The following ELAPOR2 variants were observed in gnomAD, a reference collection of about 807,000 sequenced individuals.
ELAPOR2 encodes endosome-lysosome associated apoptosis and autophagy regulator family member 2.
In ELAPOR2, 89 loss-of-function variants were observed where a neutral mutation model predicts 120.7. That is an observed-to-expected ratio of 0.74 (90% CI 0.62 to 0.88). ELAPOR2 has a LOEUF of 0.88. Among genes scored for constraint, ELAPOR2 ranks in the 40% least tolerant of loss-of-function variants. The pLI, the probability that ELAPOR2 is intolerant of heterozygous loss-of-function variation, is 0.00. For synonymous variants in ELAPOR2, 444 were observed against 444.9 expected (o/e 1.00, Z 0.03); for missense variants, 1,134 against 1,251.6 (o/e 0.91, Z 1.42).
intron 7 of ELAPOR2, 92 bp from the exon 8 acceptor site, chr7:86,938,306 A>G (rs937149782): frequency 3.2e-6 from 3 of 939,810 alleles, no homozygotes; most frequent in Non-Finnish European, 4.9e-6. Context: ...GCAACTAAAA[A>G]GTACAAATAA....
chr7:86,988,285 G>A (rs1332662324), intron 1 of ELAPOR2, among the ~76,000 whole-genome samples: 2 of 152,122 alleles, frequency 1.3e-5, no homozygotes, highest in African/African-American at 4.8e-5. Flanking sequence ...AGCTGTATAT[G>A]TATACTTATG....
intron 1 of ELAPOR2, among the ~76,000 whole-genome samples, chr7:87,049,050 C>A (rs988044022): frequency 1.1e-4 from 17 of 152,198 alleles, no homozygotes; most frequent in African/African-American, 3.9e-4. Flanking sequence ...TTTACACATT[C>A]ATTCAACAAG....
chr7:86,885,498 T>C (rs1799645306), intron 21 of ELAPOR2, among the ~76,000 whole-genome samples: 1 of 152,142 alleles, frequency 6.6e-6, no homozygotes, highest in Admixed American at 6.6e-5. Flanking sequence ...TCAGTCTTAA[T>C]GCCTCCCTCC....
intron 1 of ELAPOR2, among the ~76,000 whole-genome samples, chr7:86,985,871 T>C (rs1792712225): frequency 6.8e-6 from 1 of 148,088 alleles, no homozygotes; most frequent in Non-Finnish European, 1.5e-5. Context: ...CCTGTGTCCA[T>C]GTATTCTCTC....
At chr7:86,930,413 A>C (rs904189422) in intron 8 of ELAPOR2, among the ~76,000 whole-genome samples, 11 of 151,960 alleles carry the variant, frequency 7.2e-5, no homozygotes, top group African/African-American at 2.7e-4. Context: ...ACTTGCTTAA[A>C]TCCTGTGCAC....
intron 2 of ELAPOR2, among the ~76,000 whole-genome samples, chr7:86,961,271 T>G (rs185144592): frequency 3.5e-4 from 53 of 152,316 alleles, no homozygotes; most frequent in African/African-American, 1.3e-3. Context: ...AGTGGTGTGT[T>G]GTATAGCTGA....
rs147886977 is a variant in ELAPOR2 at position 86,905,182 on chromosome 7, AAGAGAGAGAG to A, written c.2558+2478_2558+2487del. Among the ~76,000 whole-genome samples the A allele has an allele frequency of 1.7e-3, 241 of 143,446 alleles. 4 individuals carry two copies. Among genetic ancestry groups the A allele is most frequent in the African/African-American group, 6.0e-3 (231 of 38,684 alleles). 94.1% of individuals were successfully genotyped at this position (143,446 alleles called of 152,430 possible). On this transcript the variant is annotated intron_variant, in intron 18 of 21. Transcript: ENST00000450689. Reference sequence around the variant, plus strand: ...AAAGAGAGAAAGAAAGAAAGAGAGAAAGAGAGAGAGAGAGAGAGAGAGAAAGAGAGAGAGG... The same window carrying A: ...AAAGAGAGAAAGAAAGAAAGAGAGAAAGAGAGAGAGAGAAAGAGAGAGAGG...
intron 2 of ELAPOR2, 81 bp downstream of exon 2, chr7:86,964,823 C>T: frequency 6.9e-7 from 1 of 1,452,358 alleles, no homozygotes; most frequent in Non-Finnish European, 9.4e-7. Context: ...CTCCTACATT[C>T]ATTATAATTA....
intron 4 of ELAPOR2, among the ~76,000 whole-genome samples, chr7:86,943,763 CAGA>C (rs1303562889): frequency 6.6e-6 from 1 of 152,024 alleles, no homozygotes; most frequent in East Asian, 1.9e-4. Context: ...TGTTCACTCT[CAGA>C]AGGATTTTGC....
chr7:87,027,115 C>G (rs1794270050), intron 1 of ELAPOR2, among the ~76,000 whole-genome samples: 1 of 151,960 alleles, frequency 6.6e-6, no homozygotes, highest in East Asian at 1.9e-4. Context: ...CTTAATAAGA[C>G]CAGGGAGATG....
In ELAPOR2 at chr7:87,035,862, C is replaced by G. The variant is rs1794571160; in HGVS notation, c.189+23463G>C. Among the ~76,000 whole-genome samples, 3 of 152,300 alleles carry G rather than the reference C, an allele frequency of 2.0e-5. No homozygotes were observed. In the South Asian group the frequency reaches 6.2e-4, roughly 32 times the overall value. ...CAATTATGTTGGATTGCCCATTATT[C>G]TAGCCTTTTGAAATCATTTTGAATC... On this transcript the variant is annotated intron_variant, in intron 1 of 21. Transcript: ENST00000450689.
At chr7:86,905,330 A>C (rs868622348) in intron 18 of ELAPOR2, among the ~76,000 whole-genome samples, 49 of 151,830 alleles carry the variant, frequency 3.2e-4, no homozygotes, top group Admixed American at 6.6e-4. Context: ...CTAAAAAAAA[A>C]CCAAAACAAA....
rs1050517466 is a variant in ELAPOR2, at chr7:86,960,878, A to G, written c.310+4026T>C. Reference sequence around the variant, plus strand: ...TATGGGTTATACCAATAGATTTGAGAAAAAAAAAGTCTGTATTTGATTTTT... The same window carrying G: ...TATGGGTTATACCAATAGATTTGAGGAAAAAAAAGTCTGTATTTGATTTTT... On this transcript the variant is annotated intron_variant, in intron 2 of 21. Transcript: ENST00000450689. Among the ~76,000 whole-genome samples the G allele has an allele frequency of 1.7e-4, 25 of 147,664 alleles. 1 individual carries two copies. The highest frequency in any genetic ancestry group is 3.4e-3 in the Middle Eastern group (1 of 292).
At chr7:86,914,615 T>A (rs1281545352) in intron 13 of ELAPOR2, 108 bp downstream of exon 13, 1 of 870,792 alleles carries the variant, frequency 1.1e-6, no homozygotes. Context: ...CCATATTTTT[T>A]AAAAAGCAGT....
At chr7:86,971,701 G>A (rs891412437) in intron 1 of ELAPOR2, among the ~76,000 whole-genome samples, 2 of 152,164 alleles carry the variant, frequency 1.3e-5, no homozygotes, top group Non-Finnish European at 2.9e-5. Flanking sequence ...AATAGATGCA[G>A]GTGGCAACAA....
At chr7:86,916,163 C>T (rs1159136736) in intron 12 of ELAPOR2, among the ~76,000 whole-genome samples, 6 of 152,110 alleles carry the variant, frequency 3.9e-5, no homozygotes, top group African/African-American at 1.4e-4. Context: ...ATCATAAGAT[C>T]CCTACTCTCA....
intron 1 of ELAPOR2, among the ~76,000 whole-genome samples, chr7:86,982,498 A>G (rs1792541222): frequency 6.6e-6 from 1 of 152,200 alleles, no homozygotes; most frequent in Admixed American, 6.5e-5. Context: ...CTGTTCTGCA[A>G]TATTTGCTGT....
chr7:86,932,129 T>C (rs1179357515), intron 8 of ELAPOR2, among the ~76,000 whole-genome samples: 3 of 151,918 alleles, frequency 2.0e-5, no homozygotes, highest in Non-Finnish European at 4.4e-5. Context: ...GAAGCTTCAG[T>C]CAGTGTTTGT....
At chr7:86,919,986 A>T (rs1789754035) in intron 10 of ELAPOR2, among the ~76,000 whole-genome samples, 1 of 152,102 alleles carries the variant, frequency 6.6e-6, no homozygotes, top group Non-Finnish European at 1.5e-5. Context: ...AGGAAGAGAG[A>T]GGCCTCTCCA....
Sources: allele counts gnomAD v4.1 joint callset (sites outside exome capture counted in the v4.1 genomes callset), GRCh38; gene constraint gnomAD v4.1.1; transcripts MANE v1.5; gene names NCBI Gene and HGNC (gene_info 2026-07-23, HGNC 2026-07-21).